The following KIF13B variants were observed in gnomAD, a reference collection of about 807,000 sequenced individuals.
KIF13B encodes the protein kinesin family member 13B, also known as kinesin-like protein KIF13B.
A neutral mutation model predicts 222.0 loss-of-function variants in KIF13B; 127 were observed. The observed-to-expected ratio is 0.57, with a 90% CI of 0.50 to 0.66. The LOEUF (loss-of-function observed/expected upper bound fraction) is 0.66, where lower values mean the gene tolerates loss of function less well. Ranked by LOEUF, KIF13B falls within the 30% of genes least tolerant of loss-of-function variation. KIF13B has a pLI of 0.00. For missense variants in KIF13B, 2,173 were observed against 2,379.0 expected (o/e 0.91, Z 1.80); for synonymous variants, 976 against 919.0 (o/e 1.06, Z -1.12).
At chr8:29,090,946 G>A (rs1808271347) in intron 37 of KIF13B, among the ~76,000 whole-genome samples, 1 of 152,152 alleles carries the variant, frequency 6.6e-6, no homozygotes, top group Non-Finnish European at 1.5e-5. Flanking sequence ...TCAAATTCCT[G>A]ACCTCAGGTG....
intron 32 of KIF13B, among the ~76,000 whole-genome samples, chr8:29,112,210 G>A (rs187856427): frequency 1.5e-3 from 227 of 152,250 alleles, no homozygotes; most frequent in African/African-American, 5.2e-3. Context: ...CAGCACGGGC[G>A]GATCACGAGG....
intron 1 of KIF13B, among the ~76,000 whole-genome samples, chr8:29,248,146 CA>C (rs1261644843): frequency 6.6e-6 from 1 of 152,114 alleles, no homozygotes; most frequent in Non-Finnish European, 1.5e-5. Flanking sequence ...AGCAGCTCCT[CA>C]AAAAGTTAAA....
At chr8:29,123,515 T>G (rs1809971241) in intron 27 of KIF13B, 23 bp from the exon 28 acceptor site, 1 of 1,612,862 alleles carries the variant, frequency 6.2e-7, no homozygotes, top group African/African-American at 1.3e-5. Flanking sequence ...GAATGAGGAT[T>G]CAATGACAAA....
intron 24 of KIF13B, among the ~76,000 whole-genome samples, chr8:29,129,823 G>C (rs1008275053): frequency 2.0e-5 from 3 of 152,142 alleles, no homozygotes; most frequent in African/African-American, 7.2e-5. Flanking sequence ...TTAACACCTG[G>C]CATGTCAGGC....
At chr8:29,132,159 T>C (rs971907522) in intron 23 of KIF13B, 149 bp downstream of exon 23, 1 of 439,394 alleles carries the variant, frequency 2.3e-6, no homozygotes, top group Non-Finnish European at 3.8e-6. Flanking sequence ...GGCAAGAGAA[T>C]TGCTTACTCC....
In KIF13B at chr8:29,072,084, C is replaced by T; in HGVS notation, c.4754G>A (p.Gly1585Asp). The change falls in exon 39 of 40, where the codon GGC (glycine) becomes GAC (aspartate). Residue 1585 changes from glycine to aspartate, a missense_variant. By Grantham distance (94) the Gly-to-Asp change is moderately conservative. This residue lies in a region of KIF13B where 693 missense variants were observed against 656.2 expected (regional missense o/e 1.06). Coordinates refer to ENST00000524189, the MANE Select transcript of KIF13B (RefSeq NM_015254.4). ...CCCCGGCGGGGCCGCAGCGTCCAGGCCGGGGCCCAGGGCGTCCGACAGGGT... is the reference window on the plus strand; with the variant it reads ...CCCCGGCGGGGCCGCAGCGTCCAGGTCGGGGCCCAGGGCGTCCGACAGGGT... ...TATLSDALGP[G>D]LDAAAPPGSM... 1.5e-6 allele frequency: 2 copies of T among 1,342,450 alleles called. No individual in the cohort carries two copies. Among genetic ancestry groups the T allele is most frequent in the Non-Finnish European group, 1.9e-6 (2 of 1,045,016 alleles). The allele number at this position is 1,342,450 out of a possible 1,614,324, so 83.2% of individuals were successfully genotyped here.
At chr8:29,190,918 C>T in intron 4 of KIF13B, 79 bp downstream of exon 4, 1 of 1,123,912 alleles carries the variant, frequency 8.9e-7, no homozygotes, top group Middle Eastern at 1.9e-4. Flanking sequence ...GGGGGTTTGC[C>T]AAGCAATCGT....
At chr8:29,127,382 ACT>A (rs1563724043) in intron 24 of KIF13B, 114 bp from the exon 25 acceptor site, 1 of 753,844 alleles carries the variant, frequency 1.3e-6, no homozygotes, top group African/African-American at 1.7e-5. Context: ...AGACACTGTC[ACT>A]ATACCTTATT....
intron 2 of KIF13B, among the ~76,000 whole-genome samples, chr8:29,211,528 G>A (rs1468618323): frequency 6.6e-6 from 1 of 152,240 alleles, no homozygotes; most frequent in Non-Finnish European, 1.5e-5. Flanking sequence ...CTGCTGGCCA[G>A]GGAGAAGGAA....
chr8:29,138,644 T>TAACACCTGTATACC (rs1810670826), intron 21 of KIF13B: 1 of 152,138 alleles, frequency 6.6e-6, no homozygotes, highest in Non-Finnish European at 1.5e-5. Context: ...CTCCCCCAGG[T>TAACACCTGTATACC]AACACCTGTA....
At position 29,070,898 on chromosome 8, in the gene KIF13B, G is replaced by A. The variant is rs760692580; in HGVS notation, c.5219-132C>T. 23 of 985,078 alleles carry A rather than the reference G, an allele frequency of 2.3e-5. No individual in the cohort carries two copies. The highest frequency in any genetic ancestry group is 3.2e-5 in the Non-Finnish European group (21 of 665,916). The allele number at this position is 985,078 out of a possible 1,614,324, so 61.0% of individuals were successfully genotyped here. On this transcript the variant is annotated intron_variant, in intron 39 of 39. Transcript: ENST00000524189. The surrounding 1 kb of genome is among the most constrained non-coding windows in gnomAD (Gnocchi z 4.1). ...CACAGGCCCTACACAGCCAGCACTC[G>A]GACACTGGCCATTGTCTGGCAGGGA...
At chr8:29,215,194 T>C (rs868434108) in intron 2 of KIF13B, among the ~76,000 whole-genome samples, 5 of 151,742 alleles carry the variant, frequency 3.3e-5, no homozygotes, top group Middle Eastern at 3.2e-3. Flanking sequence ...AGCCTCCAAG[T>C]AGAGTGAGTG....
intron 6 of KIF13B, among the ~76,000 whole-genome samples, chr8:29,184,132 ATTTCC>A (rs1812831247): frequency 6.6e-6 from 1 of 151,864 alleles, no homozygotes; most frequent in Non-Finnish European, 1.5e-5. Flanking sequence ...TTCCTTTCAT[ATTTCC>A]TTTTTCTTAA....
At chr8:29,150,152 C>CAT (rs951592697) in intron 15 of KIF13B, 145 bp downstream of exon 15, 1 of 567,478 alleles carries the variant, frequency 1.8e-6, no homozygotes, top group African/African-American at 1.9e-5. Flanking sequence ...CACACACACA[C>CAT]ATATATAATA....
chr8:29,218,116 T>C (rs1469974087), intron 2 of KIF13B, among the ~76,000 whole-genome samples: 1 of 152,164 alleles, frequency 6.6e-6, no homozygotes, highest in Non-Finnish European at 1.5e-5. Flanking sequence ...TAATTAAGGA[T>C]GAAAATACAA....
At chr8:29,133,052 T>C (rs1176982471) in intron 22 of KIF13B, among the ~76,000 whole-genome samples, 3 of 152,180 alleles carry the variant, frequency 2.0e-5, no homozygotes, top group African/African-American at 7.2e-5. Flanking sequence ...TGTCTCCCCC[T>C]CTCTATCTAT....
intron 2 of KIF13B, among the ~76,000 whole-genome samples, chr8:29,216,802 A>C (rs1350): frequency 0.12 from 18,410 of 152,072 alleles, 1,263 homozygotes; most frequent in South Asian, 0.15. Flanking sequence ...GGGCAGCCTG[A>C]GACTGGGCTA....
chr8:29,192,916 TG>T (rs1371395243), intron 3 of KIF13B, among the ~76,000 whole-genome samples: 2 of 141,432 alleles, frequency 1.4e-5, no homozygotes, highest in African/African-American at 2.7e-5. Flanking sequence ...ATGAAACTGA[TG>T]GGGGTAAGGG....
rs1198599406 is a variant in KIF13B at position 29,137,181 on chromosome 8, T to TCAAAATTAATCA, written c.2613+2870_2613+2881dup. Reference sequence around the variant, plus strand: ...CCATCTGAAAACCTTTTTTTACCATTCAAAATTAATCACAATTTTAATGTT... The same window carrying TCAAAATTAATCA: ...CCATCTGAAAACCTTTTTTTACCATTCAAAATTAATCACAAAATTAATCACAATTTTAATGTT... On this transcript the variant is annotated intron_variant, in intron 21 of 39. Coordinates refer to ENST00000524189, the MANE Select transcript of KIF13B (RefSeq NM_015254.4). Among the ~76,000 whole-genome samples, 1,463 of 152,258 alleles carry TCAAAATTAATCA rather than the reference T, an allele frequency of 9.6e-3. 21 individuals are homozygous for TCAAAATTAATCA. Among genetic ancestry groups the TCAAAATTAATCA allele is most frequent in the African/African-American group, 0.033 (1,382 of 41,538 alleles).
Sources: gnomAD v4.1 joint callset for allele counts (sites outside exome capture counted in the v4.1 genomes callset) on GRCh38, gnomAD v4.1.1 for gene constraint, gnomAD v4.1.1 regional missense constraint, Gnocchi (gnomAD v3.1) non-coding constraint, MANE v1.5 for transcripts, NCBI Gene and HGNC (gene_info 2026-07-23, HGNC 2026-07-21) for gene names.